CLOCK: variants seen among roughly 807,000 people sequenced by gnomAD.
CLOCK encodes clock circadian regulator, also known as circadian locomoter output cycles protein kaput.
A neutral mutation model predicts 118.4 loss-of-function variants in CLOCK; 43 were observed. The ratio of observed to expected loss-of-function variants is 0.36; its 90% CI spans 0.28 to 0.47. CLOCK has a LOEUF of 0.47. CLOCK is among the 20% of genes least tolerant of loss of function. The pLI is 1.00. For synonymous variants in CLOCK, 326 were observed against 339.2 expected (o/e 0.96, Z 0.43); for missense variants, 846 against 999.9 (o/e 0.85, Z 2.08).
At chr4:55,495,842 A>G (rs565632026) in intron 2 of CLOCK, among the ~76,000 whole-genome samples, 1 of 152,100 alleles carries the variant, frequency 6.6e-6, no homozygotes, top group Non-Finnish European at 1.5e-5. Context: ...AAACTGGGAT[A>G]GCATGTGATC....
intron 1 of CLOCK, among the ~76,000 whole-genome samples, chr4:55,539,448 C>T (rs191027778): frequency 6.6e-6 from 1 of 151,750 alleles, no homozygotes; most frequent in African/African-American, 2.4e-5. Flanking sequence ...GTGGCATGTG[C>T]CTGTGGTTCC....
At chr4:55,444,932 A>T in intron 18 of CLOCK, 147 bp from the exon 19 acceptor site, 2 of 852,864 alleles carry the variant, frequency 2.3e-6, no homozygotes, top group Non-Finnish European at 3.7e-6. Flanking sequence ...TAATCCACCC[A>T]TCTTTGCTCT....
At chr4:55,493,596 C>T (rs1035802229) in intron 2 of CLOCK, among the ~76,000 whole-genome samples, 3 of 151,950 alleles carry the variant, frequency 2.0e-5, no homozygotes, top group African/African-American at 7.3e-5. Flanking sequence ...AAAGAAAGGC[C>T]CAAATATTTA....
Position 55,445,582 on chromosome 4 carries a change from CTTTTTTTTTTTTTTTTTT to C in CLOCK, c.1540-815_1540-798del, listed in dbSNP as rs56157186. Among the ~76,000 whole-genome samples the C allele has an allele frequency of 7.3e-5, 5 of 68,574 alleles. No individual in the cohort carries two copies. The Admixed American group carries it at 1.0e-3, about 14-fold the overall frequency. The allele number at this position is 68,574 out of a possible 152,430, so 45.0% of individuals were successfully genotyped here. The stretch of plus-strand genomic sequence containing the variant: ...TCTCTGCATCTGCTATTTCTATATT[CTTTTTTTTTTTTTTTTTT>C]TTTTTTTTGAGACAGGATCTCACTC... On this transcript the variant is annotated intron_variant, in intron 18 of 22. Coordinates refer to ENST00000513440, the MANE Select transcript of CLOCK (RefSeq NM_004898.4).
chr4:55,508,064 T>C (rs547325822), intron 2 of CLOCK, among the ~76,000 whole-genome samples: 1 of 152,318 alleles, frequency 6.6e-6, no homozygotes, highest in South Asian at 2.1e-4. Flanking sequence ...AATTATGGTC[T>C]TCTATCTCCT....
intron 3 of CLOCK, among the ~76,000 whole-genome samples, chr4:55,486,744 CTG>C (rs1727325709): frequency 6.6e-6 from 1 of 152,176 alleles, no homozygotes; most frequent in Admixed American, 6.5e-5. Context: ...ATTCTGATTA[CTG>C]ATCCTTTAGA....
chr4:55,499,358 A>C (rs1248406560), intron 2 of CLOCK, among the ~76,000 whole-genome samples: 1 of 152,184 alleles, frequency 6.6e-6, no homozygotes, highest in Non-Finnish European at 1.5e-5. Context: ...CATGCAATAC[A>C]ATTTTTCCAT....
intron 1 of CLOCK, among the ~76,000 whole-genome samples, chr4:55,511,999 C>T (rs1729180335): frequency 2.0e-5 from 3 of 151,630 alleles, no homozygotes; most frequent in Middle Eastern, 3.4e-3. Flanking sequence ...AGTTTATCCG[C>T]TCACATAATG....
intron 16 of CLOCK, 33 bp downstream of exon 16, chr4:55,450,058 A>G (rs1011674957): frequency 1.2e-6 from 2 of 1,613,248 alleles, no homozygotes; most frequent in African/African-American, 2.7e-5. Context: ...TAGTTACTTT[A>G]AAGGAAGTCT....
At chr4:55,517,585 T>C (rs774517754) in intron 1 of CLOCK, among the ~76,000 whole-genome samples, 2 of 152,246 alleles carry the variant, frequency 1.3e-5, no homozygotes, top group African/African-American at 2.4e-5. Context: ...TGTGTCTCTA[T>C]AAAGAATATT....
At chr4:55,514,637 T>C (rs1233040935) in intron 1 of CLOCK, among the ~76,000 whole-genome samples, 1 of 152,130 alleles carries the variant, frequency 6.6e-6, no homozygotes, top group Non-Finnish European at 1.5e-5. Flanking sequence ...TTCTGTCAAA[T>C]GTTTTTTAAA....
chr4:55,490,207 TAA>T (rs1727579300), intron 2 of CLOCK, among the ~76,000 whole-genome samples: 1 of 151,912 alleles, frequency 6.6e-6, no homozygotes, highest in Non-Finnish European at 1.5e-5. Flanking sequence ...AATGGCAGCC[TAA>T]AGAGTATAAG....
At position 55,433,871 on chromosome 4, in the gene CLOCK, TCCCTA is replaced by T. The variant is rs1722682191; in HGVS notation, c.*1539_*1543del. On this transcript the variant is annotated 3_prime_UTR_variant, in exon 23 of 23. Coordinates refer to ENST00000513440, the MANE Select transcript of CLOCK (RefSeq NM_004898.4). ...ATGTTGTAGTGAAGGCATAGCCAAA[TCCCTA>T]CCCCTTCTTTTTTCTTTGTAGGAAT... The T allele has an allele frequency of 6.6e-6, 1 of 152,176 alleles. No homozygotes were observed. The highest frequency in any genetic ancestry group is 1.5e-5 in the Non-Finnish European group (1 of 68,026). 9.4% of individuals were successfully genotyped at this position (152,176 alleles called of 1,614,324 possible). A position where few individuals can be genotyped will look rare whatever the true frequency, so the allele number is the denominator to read the frequency against.
At chr4:55,494,862 C>T (rs192058951) in intron 2 of CLOCK, among the ~76,000 whole-genome samples, 1 of 152,254 alleles carries the variant, frequency 6.6e-6, no homozygotes, top group Non-Finnish European at 1.5e-5. Flanking sequence ...AAATGCAGCC[C>T]GCTGACACCT....
intron 2 of CLOCK, among the ~76,000 whole-genome samples, chr4:55,496,911 T>C (rs1456076244): frequency 6.6e-6 from 1 of 152,208 alleles, no homozygotes; most frequent in Admixed American, 6.5e-5. Context: ...TAAACTGGAA[T>C]TGACCTTCAC....
chr4:55,453,395 C>G, intron 14 of CLOCK: 1 of 487,648 alleles, frequency 2.1e-6, no homozygotes, highest in Non-Finnish European at 3.6e-6. Flanking sequence ...GTATGCTTAT[C>G]TACCTACAGT....
chr4:55,483,014 T>TA lies in CLOCK; in HGVS notation c.-43-187dup, dbSNP rs142752514. On this transcript the variant is annotated intron_variant, in intron 3 of 22. Transcript: ENST00000513440. ...ACATTTGAGGCTTCTTTTCCCCTCC[T>TA]AAAAAACACCTACAAGAAAAAAAGT... 6.5e-3 allele frequency among the ~76,000 whole-genome samples: 992 copies of TA among 152,196 alleles called. 8 individuals are homozygous for TA. The highest frequency in any genetic ancestry group is 0.023 in the African/African-American group (942 of 41,510).
intron 2 of CLOCK, among the ~76,000 whole-genome samples, chr4:55,498,717 G>A (rs1293280799): frequency 1.3e-5 from 2 of 152,050 alleles, no homozygotes; most frequent in South Asian, 2.1e-4. Context: ...GGAGTGGCAG[G>A]GGAGATGGGG....
rs1386983506 is a variant in CLOCK at position 55,453,076 on chromosome 4, A to G, written c.1184T>C (p.Leu395Pro). 6 of 1,611,336 alleles carry G rather than the reference A, an allele frequency of 3.7e-6. No homozygotes were observed. In the African/African-American group the frequency reaches 8.0e-5, roughly 22 times the overall value. The change falls in exon 15 of 23, where the codon CTT becomes CCT. Residue 395 changes from leucine to proline, a missense_variant. This residue lies in a region of CLOCK where 520 missense variants were observed against 558.0 expected (regional missense o/e 0.93). Coordinates refer to ENST00000513440, the MANE Select transcript of CLOCK (RefSeq NM_004898.4). Reference sequence around the variant, plus strand: ...TACTTTGTCAGCAGCTGTCTCAGGAAGAGACTCTTCAATGCCAAGTTCTCG... The same window carrying G: ...TACTTTGTCAGCAGCTGTCTCAGGAGGAGACTCTTCAATGCCAAGTTCTCG... ...RRRELGIEES[L>P]PETAADKSQD...
Sources: gnomAD v4.1 joint callset for allele counts (sites outside exome capture counted in the v4.1 genomes callset) on GRCh38, gnomAD v4.1.1 for gene constraint, gnomAD v4.1.1 regional missense constraint, MANE v1.5 for transcripts, NCBI Gene and HGNC (gene_info 2026-07-23, HGNC 2026-07-21) for gene names.